The following CPSF4 variants were observed in gnomAD, a reference collection of about 807,000 sequenced individuals.
CPSF4 encodes cleavage and polyadenylation specific factor 4.
Under a neutral mutation model 37.7 loss-of-function variants are expected in CPSF4, and 11 were observed. That is an observed-to-expected ratio of 0.29 (90% confidence interval 0.18 to 0.48). CPSF4 has a LOEUF of 0.48. CPSF4 is among the 20% of genes least tolerant of loss of function. The probability of loss-of-function intolerance (pLI) is 0.99; values close to 1 mark genes in which losing one functional copy is unlikely to be tolerated. For missense variants in CPSF4, 144 were observed against 359.5 expected, an observed-to-expected ratio of 0.40 and a Z score of 4.85; for synonymous variants, 132 against 135.9, an observed-to-expected ratio of 0.97 and a Z score of 0.20.
chr7:99,440,674 A>ATATATATATTTTTTTTTTTTT, intron 1 of CPSF4, among the ~76,000 whole-genome samples: 27 of 88,060 alleles, frequency 3.1e-4, no homozygotes, highest in East Asian at 1.7e-3. Flanking sequence ...ATATATATAT[A>ATATATATATTTTTTTTTTTTT]TTTTTTTTTT....
chr7:99,442,892 G>T, intron 1 of CPSF4: 1 of 1,274,348 alleles, frequency 7.8e-7, no homozygotes, highest in Non-Finnish European at 1.1e-6. Flanking sequence ...ATCAGGCAAT[G>T]CCAAAGCGCT....
At position 99,450,693 on chromosome 7, in the gene CPSF4, G is replaced by A; in HGVS notation, c.404-9G>A. On this transcript the variant is annotated splice_polypyrimidine_tract_variant and intron_variant, in intron 4 of 7. Coordinates refer to ENST00000292476, the MANE Select transcript of CPSF4 (RefSeq NM_006693.4). Reference sequence around the variant, plus strand: ...GGACATCTAAGTGACCGGACACTTGGCTCTGCAGGTCCCCTCTGCAGGCAC... The same window carrying A: ...GGACATCTAAGTGACCGGACACTTGACTCTGCAGGTCCCCTCTGCAGGCAC... The A allele has an allele frequency of 6.2e-7, 1 of 1,607,722 alleles. No homozygotes were observed. The highest frequency in any genetic ancestry group is 8.5e-7 in the Non-Finnish European group (1 of 1,174,216).
rs1196106590 is a variant in CPSF4, at chr7:99,450,649, GCTCT to G, written c.404-50_404-47del. On this transcript the variant is annotated intron_variant, in intron 4 of 7. Coordinates refer to ENST00000292476, the MANE Select transcript of CPSF4 (RefSeq NM_006693.4). ...AGCCAGCATTTGAAACCATGCTCCA[GCTCT>G]CTAACTGGTAGAGGGGACATCTAAG... The G allele has an allele frequency of 9.3e-6, 13 of 1,399,514 alleles. No individual in the cohort carries two copies. The East Asian group carries it at 1.1e-4, about 12-fold the overall frequency. The allele number at this position is 1,399,514 out of a possible 1,614,324, so 86.7% of individuals were successfully genotyped here.
Position 99,453,907 on chromosome 7 carries a change from T to A in CPSF4, c.571-59T>A. 6.5e-7 allele frequency: 1 copy of A among 1,528,242 alleles called. No individual in the cohort carries two copies. Among genetic ancestry groups the A allele is most frequent in the Non-Finnish European group, 9.0e-7 (1 of 1,111,984 alleles). 94.7% of individuals were successfully genotyped at this position (1,528,242 alleles called of 1,614,324 possible). The stretch of plus-strand genomic sequence containing the variant: ...CCCGCCCTCTTTTTTCCTGTCCCCA[T>A]CGGTAGTCTGCGTGCACGTGTTTTC... On this transcript the variant is annotated intron_variant, in intron 6 of 7. Coordinates refer to ENST00000292476, the MANE Select transcript of CPSF4 (RefSeq NM_006693.4). This position sits in a 1 kb window ranked among gnomAD's most constrained non-coding sequence, Gnocchi z 4.7.
At position 99,438,977 on chromosome 7, in the gene CPSF4, G is replaced by GGCGAA. The variant is rs959269707; in HGVS notation, c.-99_-95dup. 6.0e-6 allele frequency: 8 copies of GGCGAA among 1,341,668 alleles called. No homozygotes were observed. The highest frequency in any genetic ancestry group is 3.9e-5 in the Admixed American group (1 of 25,702). The allele number at this position is 1,341,668 out of a possible 1,614,324, so 83.1% of individuals were successfully genotyped here. On this transcript the variant is annotated 5_prime_UTR_variant, in exon 1 of 8. Coordinates refer to ENST00000292476, the MANE Select transcript of CPSF4 (RefSeq NM_006693.4). Reference sequence around the variant, plus strand: ...CGGGCGGCGGCGGCGGCGGCGGCGAGGCGAAGCGAAGGAGGAGTGTGTGCG... The same window carrying GGCGAA: ...CGGGCGGCGGCGGCGGCGGCGGCGAGGCGAAGCGAAGCGAAGGAGGAGTGTGTGCG...
At chr7:99,449,950 G>A (rs1008768470) in intron 3 of CPSF4, among the ~76,000 whole-genome samples, 35 of 152,130 alleles carry the variant, frequency 2.3e-4, no homozygotes, top group African/African-American at 6.8e-4. Context: ...GCCTGGAAGC[G>A]GGCAACTACT....
chr7:99,445,752 C>T (rs922716799), intron 2 of CPSF4, among the ~76,000 whole-genome samples: 4 of 152,120 alleles, frequency 2.6e-5, no homozygotes, highest in Admixed American at 6.6e-5. Flanking sequence ...GGCATGGTGA[C>T]GCCCGTCTGT....
chr7:99,444,731 C>T, intron 1 of CPSF4, 58 bp from the exon 2 acceptor site: 1 of 1,520,754 alleles, frequency 6.6e-7, no homozygotes, highest in Non-Finnish European at 9.1e-7. Flanking sequence ...TGTCTTCAGA[C>T]ATTGTCAATA....
intron 1 of CPSF4, 119 bp downstream of exon 1, chr7:99,439,304 G>A (rs779576697): frequency 3.0e-6 from 2 of 677,632 alleles, no homozygotes; most frequent in Non-Finnish European, 4.8e-6. Flanking sequence ...TCTGGATCCT[G>A]GGACCCCTCC....
chr7:99,449,440 A>C (rs1368575076), intron 3 of CPSF4, among the ~76,000 whole-genome samples: 1 of 152,246 alleles, frequency 6.6e-6, no homozygotes, highest in African/African-American at 2.4e-5. Context: ...CCCCAGAGGC[A>C]GCAGCTGGCT....
At chr7:99,455,393 TCAGA>T (rs1446616884) in intron 7 of CPSF4, among the ~76,000 whole-genome samples, 1 of 151,998 alleles carries the variant, frequency 6.6e-6, no homozygotes, top group Non-Finnish European at 1.5e-5. Flanking sequence ...CACCTGCAGA[TCAGA>T]CAAAGTTGAA....
rs1170436375 is a variant in CPSF4 at position 99,448,721 on chromosome 7, T to C, written c.307+448T>C. The stretch of plus-strand genomic sequence containing the variant: ...CTGGCTGCATTATGTCCGTGGTTGG[T>C]TTCTGTCCACGTCCACCTTCTCCCT... On this transcript the variant is annotated intron_variant, in intron 3 of 7. Transcript: ENST00000292476. This position sits in a 1 kb window ranked among gnomAD's most constrained non-coding sequence, Gnocchi z 4.4. The C allele has an allele frequency of 6.4e-6, 1 of 156,046 alleles. No homozygotes were observed. The highest frequency in any genetic ancestry group is 2.4e-5 in the African/African-American group (1 of 41,466). 9.7% of individuals were successfully genotyped at this position (156,046 alleles called of 1,614,324 possible).
At chr7:99,450,540 T>G in intron 4 of CPSF4, 162 bp from the exon 5 acceptor site, 1 of 745,496 alleles carries the variant, frequency 1.3e-6, no homozygotes, top group Non-Finnish European at 2.3e-6. Flanking sequence ...GAATGCTGGG[T>G]GGGTGGTGGT....
intron 5 of CPSF4, among the ~76,000 whole-genome samples, chr7:99,451,257 C>T (rs1797913474): frequency 1.3e-5 from 2 of 152,180 alleles, no homozygotes; most frequent in South Asian, 2.1e-4. Flanking sequence ...CACACTGAGG[C>T]ACAGGGCTCA....
chr7:99,447,691 G>A (rs561905033), intron 2 of CPSF4: 4 of 355,350 alleles, frequency 1.1e-5, no homozygotes, highest in South Asian at 6.2e-5. Flanking sequence ...CCGGGTTCAC[G>A]CTGTTGTCCT....
At chr7:99,452,575 G>A (rs773275015) in intron 6 of CPSF4, 135 bp downstream of exon 6, 32 of 770,848 alleles carry the variant, frequency 4.2e-5, no homozygotes, top group Non-Finnish European at 6.3e-5. Flanking sequence ...CCAAGTTCCC[G>A]AAGAAAAGTC....
chr7:99,442,671 A>AAAAC (rs989639070), intron 1 of CPSF4, among the ~76,000 whole-genome samples: 3 of 149,592 alleles, frequency 2.0e-5, no homozygotes, highest in African/African-American at 5.1e-5. Flanking sequence ...AAAAAAAAAA[A>AAAAC]AAAACAAAAA....
intron 1 of CPSF4, 42 bp downstream of exon 1, chr7:99,439,227 C>G: frequency 7.0e-7 from 1 of 1,430,964 alleles, no homozygotes; most frequent in Admixed American, 2.0e-5. Context: ...GCGACTCGAA[C>G]CCGGGACCCG....
chr7:99,446,880 C>T (rs145501669), intron 2 of CPSF4, among the ~76,000 whole-genome samples: 1,713 of 145,474 alleles, frequency 0.012, 13 homozygotes, highest in Middle Eastern at 0.081. Context: ...ACTTCTGCCT[C>T]CTGGGTTCAA....
Sources: allele counts gnomAD v4.1 joint callset (sites outside exome capture counted in the v4.1 genomes callset), GRCh38; gene constraint gnomAD v4.1.1; non-coding constraint Gnocchi (gnomAD v3.1); transcripts MANE v1.5; gene names NCBI Gene and HGNC (gene_info 2026-07-23, HGNC 2026-07-21).